The following CMYA5 variants were observed in gnomAD, a reference collection of about 807,000 sequenced individuals.
CMYA5 encodes cardiomyopathy-associated protein 5.
In CMYA5, 246 loss-of-function variants were observed where a neutral mutation model predicts 318.9. That is an observed-to-expected ratio of 0.77 (90% confidence interval 0.70 to 0.86). CMYA5 has a LOEUF of 0.86. Among genes scored for constraint, CMYA5 ranks in the 40% least tolerant of loss-of-function variants. CMYA5 has a pLI of 0.00. For missense variants in CMYA5, 4,589 were observed against 4,678.2 expected (o/e 0.98, Z 0.56); for synonymous variants, 1,641 against 1,729.5 (o/e 0.95, Z 1.27).
chr5:79,697,520 T>C (rs1391933248), intron 1 of CMYA5, among the ~76,000 whole-genome samples: 2 of 152,334 alleles, frequency 1.3e-5, no homozygotes, highest in Admixed American at 6.5e-5. Context: ...TCAAGGAATA[T>C]CTAATCTCTT....
chr5:79,748,649 TCTC>T (rs951213180), intron 5 of CMYA5, among the ~76,000 whole-genome samples: 11 of 152,116 alleles, frequency 7.2e-5, no homozygotes, highest in African/African-American at 2.7e-4. Context: ...TTTAAGCAAT[TCTC>T]CTGCCTCAGC....
Position 79,761,852 on chromosome 5 carries a change from T to G in CMYA5, c.11302T>G (p.Cys3768Gly), listed in dbSNP as rs1828657808. 1.2e-6 allele frequency: 2 copies of G among 1,613,590 alleles called. No homozygotes were observed. The highest frequency in any genetic ancestry group is 1.3e-5 in the African/African-American group (1 of 74,946). Residue 3768 changes from cysteine to glycine, a missense_variant, in exon 8 of 13, where the codon TGC becomes GGC. By Grantham distance (159) the Cys-to-Gly change is radical (BLOSUM62 -3). This residue lies in a region of CMYA5 where 2,431 missense variants were observed against 2,495.1 expected (regional missense o/e 0.97). Transcript: ENST00000446378. ...EYRLTVKESYCIFEDLEPDRC... is the reference protein window; with the variant it reads ...EYRLTVKESYGIFEDLEPDRC... ...CAGACTGACAGTGAAAGAAAGCTACTGCATTTTTGAAGATCTGGAACCTGA... is the reference window on the plus strand; with the variant it reads ...CAGACTGACAGTGAAAGAAAGCTACGGCATTTTTGAAGATCTGGAACCTGA...
intron 9 of CMYA5, chr5:79,777,851 G>C (rs1828969067): frequency 6.6e-6 from 1 of 151,848 alleles, no homozygotes; most frequent in Non-Finnish European, 1.5e-5. Context: ...GCCGGGCACA[G>C]TGGCTCACGC....
At chr5:79,699,175 A>G (rs1827130259) in intron 1 of CMYA5, among the ~76,000 whole-genome samples, 1 of 152,060 alleles carries the variant, frequency 6.6e-6, no homozygotes, top group Admixed American at 6.5e-5. Context: ...AACAACAACA[A>G]CAAAAAAAGA....
At chr5:79,775,508 A>G (rs773988871) in intron 9 of CMYA5, among the ~76,000 whole-genome samples, 2 of 152,172 alleles carry the variant, frequency 1.3e-5, no homozygotes, top group African/African-American at 4.8e-5. Context: ...ATCTGAACTT[A>G]CTGGCAGCTA....
In CMYA5 at chr5:79,737,206, C is replaced by T. The variant is rs777795420; in HGVS notation, c.8441C>T (p.Pro2814Leu). The change falls in exon 2 of 13, where the codon CCT becomes CTT. Residue 2814 changes from proline to leucine, a missense_variant. Transcript: ENST00000446378. ...SSETPPYLLS[P>L]VKPQTLASGA... ...GAAACACCGCCATATTTGCTGTCAC[C>T]TGTAAAACCACAAACTCTTGCTTCA... 1 of 1,613,652 alleles carries T rather than the reference C, an allele frequency of 6.2e-7. No homozygotes were observed. Among genetic ancestry groups the T allele is most frequent in the South Asian group, 1.1e-5 (1 of 91,068 alleles).
rs1554097982 is a variant in CMYA5, at chr5:79,701,090, C to CAA, written c.149+11051_149+11052dup. 8.0e-3 allele frequency among the ~76,000 whole-genome samples: 924 copies of CAA among 114,912 alleles called. 15 individuals carry two copies. Among genetic ancestry groups the CAA allele is most frequent in the African/African-American group, 0.025 (798 of 32,318 alleles). The allele number at this position is 114,912 out of a possible 152,430, so 75.4% of individuals were successfully genotyped here. ...TGAAACCCCATCTCTACTAAAAATA[C>CAA]AAAAAAAAAAAAAAAAAATTAGCCG... On this transcript the variant is annotated intron_variant, in intron 1 of 12. Coordinates refer to ENST00000446378, the MANE Select transcript of CMYA5 (RefSeq NM_153610.5).
intron 9 of CMYA5, among the ~76,000 whole-genome samples, chr5:79,777,069 G>A (rs768846847): frequency 1.2e-3 from 185 of 152,254 alleles, no homozygotes; most frequent in Non-Finnish European, 2.1e-3. Flanking sequence ...TCCTGGAGAA[G>A]CTACTTTACA....
chr5:79,728,916 T>G lies in CMYA5; in HGVS notation c.151T>G (p.Leu51Val). ...AESEEEPDSR[L>V]SDQDEEGKIK... The stretch of plus-strand genomic sequence containing the variant: ...AATTAATATTGTTATTTGCTATAGG[T>G]TATCAGACCAGGATGAAGAGGGAAA... Residue 51 changes from leucine (L) to valine (V), a missense_variant and splice_region_variant, in exon 2 of 13, where the codon TTA becomes GTA. Around this residue, in one of 3 missense-constraint regions of CMYA5, gnomAD observed 2,132 missense variants for 2,131.3 expected, o/e 1.00. Coordinates refer to ENST00000446378, the MANE Select transcript of CMYA5 (RefSeq NM_153610.5). 6.7e-7 allele frequency: 1 copy of G among 1,484,372 alleles called. No homozygotes were observed. The highest frequency in any genetic ancestry group is 1.4e-5 in the African/African-American group (1 of 70,296). The allele number at this position is 1,484,372 out of a possible 1,614,324, so 92.0% of individuals were successfully genotyped here. A position where few individuals can be genotyped will look rare whatever the true frequency, so the allele number is the denominator to read the frequency against.
intron 12 of CMYA5, among the ~76,000 whole-genome samples, chr5:79,795,995 C>T (rs1007900588): frequency 6.6e-6 from 1 of 152,186 alleles, no homozygotes; most frequent in African/African-American, 2.4e-5. Context: ...AATGTGTGCT[C>T]GGCCAGAAAT....
At chr5:79,728,146 C>T (rs759093358) in intron 1 of CMYA5, among the ~76,000 whole-genome samples, 1 of 152,092 alleles carries the variant, frequency 6.6e-6, no homozygotes, top group Non-Finnish European at 1.5e-5. Flanking sequence ...TTTTTGTGAC[C>T]TCTCTCTATT....
chr5:79,738,280 C>G lies in CMYA5; in HGVS notation c.9515C>G (p.Pro3172Arg). ...EGVLSRTQIF[P>R]TTIKVIDPEF... Reference sequence around the variant, plus strand: ...GTTCTATCACGAACCCAGATATTTCCTACCACTATTAAAGTCATTGATCCA... The same window carrying G: ...GTTCTATCACGAACCCAGATATTTCGTACCACTATTAAAGTCATTGATCCA... The change falls in exon 2 of 13, where the codon CCT (proline) becomes CGT (arginine). Residue 3172 changes from proline (P) to arginine (R), a missense_variant. Coordinates refer to ENST00000446378, the MANE Select transcript of CMYA5 (RefSeq NM_153610.5). The G allele has an allele frequency of 6.2e-7, 1 of 1,613,436 alleles. No homozygotes were observed. Among genetic ancestry groups the G allele is most frequent in the Non-Finnish European group, 8.5e-7 (1 of 1,179,758 alleles).
Position 79,734,161 on chromosome 5 carries a change from C to T in CMYA5, c.5396C>T (p.Ser1799Leu). 6.2e-7 allele frequency: 1 copy of T among 1,613,840 alleles called. No homozygotes were observed. ...AGTGAAGAAACAGGCCACCCAAATTCATCCCAGGTACTCCAGAGTATAACA... is the reference window on the plus strand; with the variant it reads ...AGTGAAGAAACAGGCCACCCAAATTTATCCCAGGTACTCCAGAGTATAACA... The part of the protein sequence containing the change: ...KLSEETGHPN[S>L]SQVLQSITEP... Residue 1799 changes from serine (S) to leucine (L), a missense_variant, in exon 2 of 13, where the codon TCA (serine) becomes TTA (leucine). Transcript: ENST00000446378.
In CMYA5 at chr5:79,735,745, T is replaced by G. The variant is rs908119057; in HGVS notation, c.6980T>G (p.Leu2327Trp). 8.2e-6 allele frequency: 13 copies of G among 1,587,200 alleles called. No individual in the cohort carries two copies. The highest frequency in any genetic ancestry group is 1.1e-5 in the Non-Finnish European group (13 of 1,171,500). The part of the protein sequence containing the change: ...IQSYSLIGEK[L>W]VMEEAKTIVP... ...TCTTATTCACTAATCGGTGAGAAATTGGTTATGGAAGAAGCCAAAACTATT... is the reference window on the plus strand; with the variant it reads ...TCTTATTCACTAATCGGTGAGAAATGGGTTATGGAAGAAGCCAAAACTATT... Residue 2327 changes from leucine (L) to tryptophan (W), a missense_variant, in exon 2 of 13, where the codon TTG (leucine) becomes TGG (tryptophan). Coordinates refer to ENST00000446378, the MANE Select transcript of CMYA5 (RefSeq NM_153610.5).
Position 79,744,644 on chromosome 5 carries a change from G to A in CMYA5, c.10735-578G>A, listed in dbSNP as rs181141445. Among the ~76,000 whole-genome samples the A allele has an allele frequency of 3.3e-5, 5 of 152,252 alleles. No homozygotes were observed. The East Asian group carries it at 9.6e-4, about 29-fold the overall frequency. On this transcript the variant is annotated intron_variant, in intron 3 of 12. Transcript: ENST00000446378. Reference sequence around the variant, plus strand: ...TCAACTAGTACATGCTAGTTATTTCGGGTGTCACCTTCCCCAGGTGTCCTT... The same window carrying A: ...TCAACTAGTACATGCTAGTTATTTCAGGTGTCACCTTCCCCAGGTGTCCTT...
rs570099878 is a variant in CMYA5 at position 79,770,673 on chromosome 5, C to A, written c.11555+7464C>A. The stretch of plus-strand genomic sequence containing the variant: ...AAATGCAGAAATCACCCACCTTCTA[C>A]ATTGATCTCGCTGGGAGCTGGAGAC... On this transcript the variant is annotated intron_variant, in intron 9 of 12. Transcript: ENST00000446378. 2.6e-5 allele frequency among the ~76,000 whole-genome samples: 4 copies of A among 152,270 alleles called. No individual in the cohort carries two copies. In the South Asian group the frequency reaches 8.3e-4, roughly 32 times the overall value.
intron 9 of CMYA5, among the ~76,000 whole-genome samples, chr5:79,766,691 G>A (rs1168454614): frequency 6.6e-6 from 1 of 152,196 alleles, no homozygotes; most frequent in Non-Finnish European, 1.5e-5. Context: ...TTGATGTGCT[G>A]CTGGATTTGG....
chr5:79,752,156 C>T (rs1828442981), intron 5 of CMYA5, among the ~76,000 whole-genome samples: 2 of 152,118 alleles, frequency 1.3e-5, no homozygotes, highest in Non-Finnish European at 2.9e-5. Context: ...ATTGCTCTTT[C>T]CCCAGTACCT....
chr5:79,749,413 A>C (rs927042225), intron 5 of CMYA5, among the ~76,000 whole-genome samples: 15 of 152,166 alleles, frequency 9.9e-5, no homozygotes, highest in Non-Finnish European at 2.1e-4. Flanking sequence ...AAGAAGTGCT[A>C]ATTATCTACA....
Sources: allele counts gnomAD v4.1 joint callset (sites outside exome capture counted in the v4.1 genomes callset), GRCh38; gene constraint gnomAD v4.1.1; regional missense constraint gnomAD v4.1.1; transcripts MANE v1.5; gene names NCBI Gene and HGNC (gene_info 2026-07-23, HGNC 2026-07-21).